VWDE: variants seen among roughly 807,000 people sequenced by gnomAD.
VWDE encodes the protein von Willebrand factor D and EGF domain-containing protein.
VWDE carries 207 observed loss-of-function variants against 178.4 expected under a neutral mutation model. That is an observed-to-expected ratio of 1.16 (90% CI 1.04 to 1.30). The LOEUF is 1.30. VWDE is among the 50% of genes most tolerant of loss of function. The probability of loss-of-function intolerance (pLI) is 0.00; values close to 1 mark genes in which losing one functional copy is unlikely to be tolerated. For synonymous variants in VWDE, 738 were observed against 651.4 expected (o/e 1.13, Z -2.02); for missense variants, 2,287 against 1,901.3 (o/e 1.20, Z -3.77).
At chr7:12,365,260 A>C (rs1282468579) in intron 13 of VWDE, among the ~76,000 whole-genome samples, 1 of 152,072 alleles carries the variant, frequency 6.6e-6, no homozygotes, top group Non-Finnish European at 1.5e-5. Flanking sequence ...TAAATTTGTT[A>C]ATAGTATTGT....
At position 12,389,142 on chromosome 7, in the gene VWDE, C is replaced by G; in HGVS notation, c.460G>C (p.Gly154Arg). ...GTTTTCTTACCTTCCGCACAGTAGC[C>G]CATACATCCCTGAGTTGGTTGTAGT... ...YLLQPTQGCM[G>R]YCAEAISDAR... The change falls in exon 3 of 29, where the codon GGC (glycine) becomes CGC (arginine). Residue 154 changes from glycine (G) to arginine (R), a missense_variant. Coordinates refer to ENST00000275358, the MANE Select transcript of VWDE (RefSeq NM_001135924.3). The G allele has an allele frequency of 1.3e-6, 2 of 1,547,648 alleles. No homozygotes were observed. Among genetic ancestry groups the G allele is most frequent in the South Asian group, 1.2e-5 (1 of 83,960 alleles).
intron 2 of VWDE, 52 bp from the exon 3 acceptor site, chr7:12,389,410 T>G (rs1299898725): frequency 7.8e-7 from 1 of 1,280,834 alleles, no homozygotes; most frequent in African/African-American, 1.5e-5. Context: ...TTTCATCCAT[T>G]GTAGATATAT....
At chr7:12,338,962 ATG>A (rs1781184380) in intron 24 of VWDE, among the ~76,000 whole-genome samples, 1 of 152,092 alleles carries the variant, frequency 6.6e-6, no homozygotes, top group Non-Finnish European at 1.5e-5. Context: ...ATCACTTTCA[ATG>A]TGTGTGCCAT....
rs964178078 is a variant in VWDE, at chr7:12,369,592, C to T, written c.2714G>A (p.Cys905Tyr). 1 of 1,548,910 alleles carries T rather than the reference C, an allele frequency of 6.5e-7. No homozygotes were observed. The highest frequency in any genetic ancestry group is 2.0e-5 in the Admixed American group (1 of 50,940). Reference protein sequence around the residue: ...SGNGQCMEWGCACSPSFSSYD... With the variant: ...SGNGQCMEWGYACSPSFSSYD... ...GGAACTAAAGCTTGGGGAACACGCACACCCCCATTCCATGCACTGCCCATT... is the reference window on the plus strand; with the variant it reads ...GGAACTAAAGCTTGGGGAACACGCATACCCCCATTCCATGCACTGCCCATT... Residue 905 changes from cysteine to tyrosine, a missense_variant, in exon 12 of 29, where the codon TGT becomes TAT. Physicochemically the swap from Cys to Tyr is radical, Grantham distance 194 (BLOSUM62 -2). Coordinates refer to ENST00000275358, the MANE Select transcript of VWDE (RefSeq NM_001135924.3).
At chr7:12,332,874 G>T (rs921082541) in intron 28 of VWDE, among the ~76,000 whole-genome samples, 2 of 152,056 alleles carry the variant, frequency 1.3e-5, no homozygotes, top group African/African-American at 4.8e-5. Context: ...TGACCCTGGG[G>T]CATTTTGAAG....
At chr7:12,388,781 T>C in intron 3 of VWDE, 1 of 374,174 alleles carries the variant, frequency 2.7e-6, no homozygotes, top group Non-Finnish European at 5.3e-6. Context: ...ATATAAAATG[T>C]ATATTTTTAT....
At chr7:12,388,211 C>G (rs73052752) in intron 3 of VWDE, among the ~76,000 whole-genome samples, 1,649 of 152,084 alleles carry the variant, frequency 0.011, 9 homozygotes, top group Non-Finnish European at 0.017. Flanking sequence ...TATAAACTTT[C>G]TCATTATTAG....
At chr7:12,402,551 G>T (rs747820793) in intron 1 of VWDE, among the ~76,000 whole-genome samples, 1 of 152,088 alleles carries the variant, frequency 6.6e-6, no homozygotes, top group Non-Finnish European at 1.5e-5. Context: ...TAGTAAACAT[G>T]AAATCATCTT....
In VWDE at chr7:12,357,358, CCCT is replaced by C; in HGVS notation, c.3429_3431del (p.Gly1144del). ...GTAAATCTGTTTTCCACATAAAAAG[CCCT>C]GCAGAGGAAACACTTGCCCCTTCAG... On this transcript the variant is annotated inframe_deletion, in exon 17 of 29. Coordinates refer to ENST00000275358, the MANE Select transcript of VWDE (RefSeq NM_001135924.3). 1.3e-6 allele frequency: 2 copies of C among 1,551,910 alleles called. No homozygotes were observed. Among genetic ancestry groups the C allele is most frequent in the Non-Finnish European group, 1.7e-6 (2 of 1,147,052 alleles).
intron 12 of VWDE, 55 bp from the exon 13 acceptor site, chr7:12,367,548 A>C: frequency 7.3e-7 from 1 of 1,368,520 alleles, no homozygotes; most frequent in Non-Finnish European, 9.7e-7. Context: ...TCAGAAAAAA[A>C]AACTAATTAT....
chr7:12,373,658 T>A (rs1198486025), intron 9 of VWDE, among the ~76,000 whole-genome samples: 1 of 152,116 alleles, frequency 6.6e-6, no homozygotes, highest in Admixed American at 6.6e-5. Flanking sequence ...CACTTTATAT[T>A]TTACTTATTA....
At chr7:12,365,735 G>A (rs565889370) in intron 13 of VWDE, among the ~76,000 whole-genome samples, 68 of 152,202 alleles carry the variant, frequency 4.5e-4, no homozygotes, top group African/African-American at 1.6e-3. Context: ...TGAATTAAAG[G>A]CTAGAAGAGC....
Position 12,389,220 on chromosome 7 carries a change from G to A in VWDE, c.382C>T (p.Leu128Phe), listed in dbSNP as rs980282034. Residue 128 changes from leucine (L) to phenylalanine (F), a missense_variant, in exon 3 of 29, where the codon CTC (leucine) becomes TTC (phenylalanine). Physicochemically the swap from Leu to Phe is conservative, Grantham distance 22. Coordinates refer to ENST00000275358, the MANE Select transcript of VWDE (RefSeq NM_001135924.3). Reference protein sequence around the residue: ...FLFSTTKDCCLFQIPVSVRNC... With the variant: ...FLFSTTKDCCFFQIPVSVRNC... ...CTTACAGACACTGGGATTTGAAAGA[G>A]ACAGCAGTCTTTTGTAGTGCTGAAC... 1 of 1,551,630 alleles carries A rather than the reference G, an allele frequency of 6.4e-7. No homozygotes were observed. Among genetic ancestry groups the A allele is most frequent in the Non-Finnish European group, 8.7e-7 (1 of 1,147,024 alleles).
chr7:12,356,087 T>G, intron 18 of VWDE, 24 bp downstream of exon 18: 2 of 1,540,658 alleles, frequency 1.3e-6, no homozygotes, highest in Non-Finnish European at 1.8e-6. Context: ...TCTTTCTAAT[T>G]TGTTATGAGG....
chr7:12,387,753 T>C (rs999088208), intron 3 of VWDE, among the ~76,000 whole-genome samples: 3 of 152,110 alleles, frequency 2.0e-5, no homozygotes, highest in Non-Finnish European at 4.4e-5. Context: ...GTGTTACCCA[T>C]ATAATCATCA....
intron 1 of VWDE, among the ~76,000 whole-genome samples, chr7:12,398,735 C>T (rs546062695): frequency 6.6e-6 from 1 of 152,276 alleles, no homozygotes; most frequent in South Asian, 2.1e-4. Flanking sequence ...AAAACGTGTC[C>T]TTGGCAGCAA....
At chr7:12,360,137 G>C (rs1782495186) in intron 15 of VWDE, among the ~76,000 whole-genome samples, 2 of 152,078 alleles carry the variant, frequency 1.3e-5, no homozygotes, top group African/African-American at 2.4e-5. Flanking sequence ...AACTAGACCA[G>C]ATCTTTGGCA....
At chr7:12,340,522 C>CT in intron 23 of VWDE, 105 bp from the exon 24 acceptor site, 4 of 768,344 alleles carry the variant, frequency 5.2e-6, no homozygotes, top group Non-Finnish European at 8.3e-6. Flanking sequence ...TTTATTTTTA[C>CT]TGCAAGTAAA....
At chr7:12,343,451 C>T (rs890580940) in intron 21 of VWDE, among the ~76,000 whole-genome samples, 2 of 152,108 alleles carry the variant, frequency 1.3e-5, no homozygotes, top group African/African-American at 4.8e-5. Flanking sequence ...GAGATTTGAA[C>T]TTACTTATTC....
Sources: gnomAD v4.1 joint callset for allele counts (sites outside exome capture counted in the v4.1 genomes callset) on GRCh38, gnomAD v4.1.1 for gene constraint, MANE v1.5 for transcripts, NCBI Gene and HGNC (gene_info 2026-07-23, HGNC 2026-07-21) for gene names.